The following AP1M1 variants were observed in gnomAD, a reference collection of about 807,000 sequenced individuals.
The protein encoded by AP1M1 is adaptor related protein complex 1 subunit mu 1.
Under a neutral mutation model 57.1 loss-of-function variants are expected in AP1M1, and 18 were observed. The observed-to-expected ratio is 0.32, with a 90% CI of 0.22 to 0.47. AP1M1 has a LOEUF of 0.47. Among genes scored for constraint, AP1M1 ranks in the 20% least tolerant of loss-of-function variants. The pLI is 1.00. For missense variants in AP1M1, 362 were observed against 593.5 expected (o/e 0.61, Z 4.05); for synonymous variants, 241 against 237.9 (o/e 1.01, Z -0.12).
At position 16,207,494 on chromosome 19, in the gene AP1M1, G is replaced by A. The variant is rs999772865; in HGVS notation, c.268-525G>A. On this transcript the variant is annotated intron_variant, in intron 3 of 11. Coordinates refer to ENST00000291439, the MANE Select transcript of AP1M1 (RefSeq NM_032493.4). This position sits in a 1 kb window ranked among gnomAD's most constrained non-coding sequence, Gnocchi z 4.2. ...CGGGAAGGGGAAGGTCCTCACCCAA[G>A]GGTTGGGCTGTGCCTTTCTGTTTTA... Among the ~76,000 whole-genome samples, 4 of 152,150 alleles carry A rather than the reference G, an allele frequency of 2.6e-5. No homozygotes were observed. Among genetic ancestry groups the A allele is most frequent in the African/African-American group, 9.7e-5 (4 of 41,402 alleles).
rs894121354 is a variant in AP1M1 at position 16,212,768 on chromosome 19, G to A, written c.546+3591G>A. 5.3e-5 allele frequency among the ~76,000 whole-genome samples: 8 copies of A among 152,188 alleles called. No homozygotes were observed. The East Asian group carries it at 9.6e-4, about 18-fold the overall frequency. On this transcript the variant is annotated intron_variant, in intron 5 of 11. Coordinates refer to ENST00000291439, the MANE Select transcript of AP1M1 (RefSeq NM_032493.4). Reference sequence around the variant, plus strand: ...AATTTCTCTTAACACTGCCCTAGCCGTGTCCCAGAGATTCTGGTCTGTTGT... The same window carrying A: ...AATTTCTCTTAACACTGCCCTAGCCATGTCCCAGAGATTCTGGTCTGTTGT...
Position 16,197,931 on chromosome 19 carries a change from G to T in AP1M1, c.-96G>T. 1 of 1,034,398 alleles carries T rather than the reference G, an allele frequency of 9.7e-7. No individual in the cohort carries two copies. Among genetic ancestry groups the T allele is most frequent in the Non-Finnish European group, 1.3e-6 (1 of 767,236 alleles). The allele number at this position is 1,034,398 out of a possible 1,614,324, so 64.1% of individuals were successfully genotyped here. On this transcript the variant is annotated 5_prime_UTR_variant, in exon 1 of 12. Transcript: ENST00000291439. The stretch of plus-strand genomic sequence containing the variant: ...GAACCGGAAGTGGAGGTGAGCTGTC[G>T]CGGGCGGCGCCCGGCCTTGCTCAAC...
chr19:16,227,815 C>A lies in AP1M1; in HGVS notation c.816+125C>A. On this transcript the variant is annotated intron_variant, in intron 7 of 11. Coordinates refer to ENST00000291439, the MANE Select transcript of AP1M1 (RefSeq NM_032493.4). This position sits in a 1 kb window ranked among gnomAD's most constrained non-coding sequence, Gnocchi z 6.2. ...ACGCTCCATGAGCTGCCTGGCTCTG[C>A]AGAGATGGAGTCTGAGGACTTGGGA... The A allele has an allele frequency of 7.9e-7, 1 of 1,269,208 alleles. No individual in the cohort carries two copies. Among genetic ancestry groups the A allele is most frequent in the Non-Finnish European group, 1.1e-6 (1 of 906,406 alleles). 78.6% of individuals were successfully genotyped at this position (1,269,208 alleles called of 1,614,324 possible). A position where few individuals can be genotyped will look rare whatever the true frequency, so the allele number is the denominator to read the frequency against.
In AP1M1 at chr19:16,234,663, C is replaced by A. The variant is rs1375793745; in HGVS notation, c.*228C>A. 5.0e-6 allele frequency: 3 copies of A among 602,732 alleles called. No homozygotes were observed. Among genetic ancestry groups the A allele is most frequent in the Admixed American group, 5.9e-5 (2 of 33,914 alleles). 37.3% of individuals were successfully genotyped at this position (602,732 alleles called of 1,614,324 possible). On this transcript the variant is annotated 3_prime_UTR_variant, in exon 12 of 12. Transcript: ENST00000291439. ...TCTTCAAGAAGTCTCGTTTCTTTGC[C>A]CCTGAAGTCAGTTTCAGGGGAAGGA...
At chr19:16,234,392 C>T (rs370397966) in intron 11 of AP1M1, 21 bp from the exon 12 acceptor site, 147 of 1,613,958 alleles carry the variant, frequency 9.1e-5, no homozygotes, top group Admixed American at 1.8e-4. Flanking sequence ...CCCAGCATGA[C>T]GCCTCCCTCC....
chr19:16,213,471 T>C (rs550112777), intron 5 of AP1M1, among the ~76,000 whole-genome samples: 1 of 152,226 alleles, frequency 6.6e-6, no homozygotes, highest in East Asian at 1.9e-4. Context: ...TTTGAGTCTG[T>C]GGGTGTTATT....
At chr19:16,210,796 A>G (rs1381316828) in intron 5 of AP1M1, among the ~76,000 whole-genome samples, 1 of 151,694 alleles carries the variant, frequency 6.6e-6, no homozygotes, top group African/African-American at 2.4e-5. Context: ...CTGACCTCAG[A>G]TGATCCACCC....
At position 16,203,594 on chromosome 19, in the gene AP1M1, A is replaced by G. The variant is rs746086930; in HGVS notation, c.178A>G (p.Ile60Val). The G allele has an allele frequency of 1.2e-6, 2 of 1,612,730 alleles. No individual in the cohort carries two copies. The highest frequency in any genetic ancestry group is 4.5e-5 in the East Asian group (2 of 44,854). Residue 60 changes from isoleucine (I) to valine (V), a missense_variant, in exon 2 of 12, where the codon ATC becomes GTC. By Grantham distance (29) the Ile-to-Val change is conservative. Transcript: ENST00000291439. The surrounding 1 kb of genome is among the most constrained non-coding windows in gnomAD (Gnocchi z 4.6). The part of the protein sequence containing the change: ...LAHGGVRFMW[I>V]KHNNLYLVAT... ...CCACGGGGGGGTCCGTTTCATGTGGATCAAACACAACAACCTGTATCGTAT... is the reference window on the plus strand; with the variant it reads ...CCACGGGGGGGTCCGTTTCATGTGGGTCAAACACAACAACCTGTATCGTAT...
chr19:16,231,630 AT>A (rs34094350), intron 9 of AP1M1, among the ~76,000 whole-genome samples: 99,924 of 151,886 alleles, frequency 0.66, 35,134 homozygotes, highest in Non-Finnish European at 0.8. Context: ...GGGTTTCGCT[AT>A]TGTTGCTCAG....
At chr19:16,208,604 A>G (rs1406883601) in intron 4 of AP1M1, among the ~76,000 whole-genome samples, 3 of 152,166 alleles carry the variant, frequency 2.0e-5, no homozygotes, top group Non-Finnish European at 2.9e-5. Context: ...GGGACAAGCA[A>G]GCAGACTCCC....
chr19:16,203,471 C>T lies in AP1M1; in HGVS notation c.55C>T (p.Arg19Trp), dbSNP rs377502937. The T allele has an allele frequency of 5.6e-6, 9 of 1,614,188 alleles. No individual in the cohort carries two copies. In the East Asian group the frequency reaches 6.7e-5, roughly 12 times the overall value. The change falls in exon 2 of 12, where the codon CGG (arginine) becomes TGG (tryptophan). Residue 19 changes from arginine (R) to tryptophan (W), a missense_variant. Transcript: ENST00000291439. This position sits in a 1 kb window ranked among gnomAD's most constrained non-coding sequence, Gnocchi z 4.6. ...TTCCCCACCCCAGGTGCTCATCTGC[C>T]GGAACTACCGTGGCGACGTGGACAT... is the stretch of plus-strand genomic sequence containing the variant. ...LDLKGKVLIC[R>W]NYRGDVDMSE...
rs1555726667 is a variant in AP1M1 at position 16,244,894 on chromosome 19, G to GTTGTT, written c.*10460_*10464dup. The GTTGTT allele has an allele frequency of 1.3e-5, 2 of 152,068 alleles. No homozygotes were observed. Among genetic ancestry groups the GTTGTT allele is most frequent in the African/African-American group, 4.9e-5 (2 of 41,236 alleles). 9.4% of individuals were successfully genotyped at this position (152,068 alleles called of 1,614,324 possible). ...ATAAAATTTGTTGTTTGTTGTTGTT[G>GTTGTT]TTGTTGTTGTTGTTGTTGTTGAGAC... On this transcript the variant is annotated 3_prime_UTR_variant, in exon 12 of 12. Transcript: ENST00000291439.
chr19:16,202,627 CA>C (rs1482603362), intron 1 of AP1M1, among the ~76,000 whole-genome samples: 12 of 152,240 alleles, frequency 7.9e-5, no homozygotes, highest in Admixed American at 1.3e-4. Flanking sequence ...TCTCAGCCAG[CA>C]CAGTGATTCT....
Position 16,206,773 on chromosome 19 carries a change from T to C in AP1M1, c.267+365T>C, listed in dbSNP as rs1451439847. Among the ~76,000 whole-genome samples the C allele has an allele frequency of 6.6e-6, 1 of 152,066 alleles. No individual in the cohort carries two copies. Among genetic ancestry groups the C allele is most frequent in the Admixed American group, 6.6e-5 (1 of 15,266 alleles). ...CTGCAGAGCTGAGCCCACCTCAGAA[T>C]CTCCCAGGGGGCTCTCAAGGCACAG... On this transcript the variant is annotated intron_variant, in intron 3 of 11. Transcript: ENST00000291439. The surrounding 1 kb of genome is among the most constrained non-coding windows in gnomAD (Gnocchi z 4.3).
chr19:16,199,111 C>T (rs1402655623), intron 1 of AP1M1, among the ~76,000 whole-genome samples: 1 of 152,150 alleles, frequency 6.6e-6, no homozygotes, highest in African/African-American at 2.4e-5. Context: ...CAGGGCTCAA[C>T]AATCTGTGTT....
rs2091581621 is a variant in AP1M1 at position 16,228,659 on chromosome 19, G to A, written c.889-111G>A. 8.1e-7 allele frequency: 1 copy of A among 1,240,108 alleles called. No homozygotes were observed. Among genetic ancestry groups the A allele is most frequent in the Admixed American group, 2.0e-5 (1 of 49,452 alleles). The allele number at this position is 1,240,108 out of a possible 1,614,324, so 76.8% of individuals were successfully genotyped here. ...TAGTGCCTGGAGAAGTGGGGCCAGGGGCGGGGCTAGGGAGGATCCCCCGGG... is the reference window on the plus strand; with the variant it reads ...TAGTGCCTGGAGAAGTGGGGCCAGGAGCGGGGCTAGGGAGGATCCCCCGGG... On this transcript the variant is annotated intron_variant, in intron 8 of 11. Coordinates refer to ENST00000291439, the MANE Select transcript of AP1M1 (RefSeq NM_032493.4). The surrounding 1 kb of genome is among the most constrained non-coding windows in gnomAD (Gnocchi z 5.0).
chr19:16,225,762 C>T lies in AP1M1; in HGVS notation c.547-659C>T, dbSNP rs538564403. Among the ~76,000 whole-genome samples the T allele has an allele frequency of 5.9e-5, 9 of 152,308 alleles. No individual in the cohort carries two copies. In the South Asian group the frequency reaches 6.2e-4, roughly 11 times the overall value. ...GATTATTTTGGATCAAGTGTTATCACACTTCAGGGTGGCCCTGAGAAGCAA... is the reference window on the plus strand; with the variant it reads ...GATTATTTTGGATCAAGTGTTATCATACTTCAGGGTGGCCCTGAGAAGCAA... On this transcript the variant is annotated intron_variant, in intron 5 of 11. Transcript: ENST00000291439.
In AP1M1 at chr19:16,220,452, G is replaced by A. The variant is rs564154705; in HGVS notation, c.547-5969G>A. ...GTCACCCAGGCTGGAGTGCAGTGGC[G>A]CGATTACAGCTCACCGCAACCTCTG... is the stretch of plus-strand genomic sequence containing the variant. On this transcript the variant is annotated intron_variant, in intron 5 of 11. Transcript: ENST00000291439. Among the ~76,000 whole-genome samples, 103 of 152,036 alleles carry A rather than the reference G, an allele frequency of 6.8e-4. 1 individual carries two copies. The South Asian group carries it at 0.015, about 22-fold the overall frequency.
chr19:16,217,810 T>A (rs542572854), intron 5 of AP1M1, among the ~76,000 whole-genome samples: 8 of 152,266 alleles, frequency 5.3e-5, no homozygotes, highest in Non-Finnish European at 8.8e-5. Context: ...TGCTTCTGCA[T>A]CAAACCCCCT....
Sources: gnomAD v4.1 joint callset for allele counts (sites outside exome capture counted in the v4.1 genomes callset) on GRCh38, gnomAD v4.1.1 for gene constraint, Gnocchi (gnomAD v3.1) non-coding constraint, MANE v1.5 for transcripts, NCBI Gene and HGNC (gene_info 2026-07-23, HGNC 2026-07-21) for gene names.